The following CATSPERE variants were observed in gnomAD, a reference collection of about 807,000 sequenced individuals.
CATSPERE encodes catsper channel auxiliary subunit epsilon, also known as cation channel sperm-associated auxiliary subunit epsilon.
CATSPERE carries 93 observed loss-of-function variants against 114.1 expected under a neutral mutation model. The observed-to-expected ratio is 0.81, with a 90% CI of 0.69 to 0.97. The LOEUF is 0.97. Among genes scored for constraint, CATSPERE ranks in the 50% least tolerant of loss-of-function variants. The pLI is 0.00. For missense variants in CATSPERE, 1,058 were observed against 1,131.6 expected, an observed-to-expected ratio of 0.93 and a Z score of 0.93; for synonymous variants, 341 against 384.1, an observed-to-expected ratio of 0.89 and a Z score of 1.31.
intron 17 of CATSPERE, among the ~76,000 whole-genome samples, chr1:244,603,500 G>C (rs955297146): frequency 6.6e-6 from 1 of 152,038 alleles, no homozygotes; most frequent in Admixed American, 6.6e-5. Context: ...TGCTTATATA[G>C]ACAAGTATTT....
At chr1:244,522,422 G>A (rs1677729838) in intron 8 of CATSPERE, among the ~76,000 whole-genome samples, 2 of 152,122 alleles carry the variant, frequency 1.3e-5, no homozygotes, top group Admixed American at 6.6e-5. Flanking sequence ...ACAATTAAAA[G>A]AACTAGAAAA....
chr1:244,625,884 C>T (rs1013412971), intron 20 of CATSPERE, among the ~76,000 whole-genome samples: 2 of 151,898 alleles, frequency 1.3e-5, no homozygotes, highest in South Asian at 4.2e-4. Context: ...CCACCATGCC[C>T]GGCCAAGTAG....
chr1:244,559,242 T>G (rs1662172572), intron 9 of CATSPERE, among the ~76,000 whole-genome samples: 1 of 152,240 alleles, frequency 6.6e-6, no homozygotes, highest in African/African-American at 2.4e-5. Context: ...GTTTCTAATC[T>G]ATTTCTTCTT....
chr1:244,497,752 G>A (rs1673349660), intron 6 of CATSPERE, among the ~76,000 whole-genome samples: 1 of 152,082 alleles, frequency 6.6e-6, no homozygotes, highest in South Asian at 2.1e-4. Flanking sequence ...AGGTGAGATT[G>A]CACCATTGCA....
intron 8 of CATSPERE, among the ~76,000 whole-genome samples, chr1:244,549,006 G>T (rs1375220937): frequency 1.3e-5 from 2 of 152,186 alleles, no homozygotes; most frequent in African/African-American, 4.8e-5. Context: ...AACAGGCAAA[G>T]ACAGGAGATA....
chr1:244,635,615 C>T (rs1674537076), intron 21 of CATSPERE, 73 bp downstream of exon 21: 2 of 1,161,136 alleles, frequency 1.7e-6, no homozygotes, highest in Non-Finnish European at 2.6e-6. Context: ...GAAGGAAAAG[C>T]ACCTCTCCCC....
At chr1:244,560,637 A>T (rs369566348) in intron 9 of CATSPERE, 31 bp from the exon 10 acceptor site, 355 of 1,279,246 alleles carry the variant, frequency 2.8e-4, no homozygotes, top group Non-Finnish European at 3.6e-4. Flanking sequence ...AAAATCGAAG[A>T]TCTTTCTCAT....
At chr1:244,564,411 T>C (rs1170157365) in intron 10 of CATSPERE, among the ~76,000 whole-genome samples, 4 of 152,178 alleles carry the variant, frequency 2.6e-5, no homozygotes, top group Admixed American at 2.6e-4. Flanking sequence ...TTTGTTTGTG[T>C]CCTCTCTTAT....
Position 244,560,743 on chromosome 1 carries a change from G to T in CATSPERE, c.1105G>T (p.Ala369Ser). The T allele has an allele frequency of 6.2e-7, 1 of 1,613,914 alleles. No homozygotes were observed. Among genetic ancestry groups the T allele is most frequent in the Non-Finnish European group, 8.5e-7 (1 of 1,179,952 alleles). ...IYLGSILLKF[A>S]RLVTTTELKN... ...CCTCGGATCCATTCTTCTTAAGTTT[G>T]CCAGATTAGTAACTACCACAGAACT... Residue 369 changes from alanine (A) to serine (S), a missense_variant, in exon 10 of 22, where the codon GCC (alanine) becomes TCC (serine). Ala to Ser is a moderately conservative substitution (Grantham distance 99). Around this residue, in one of 2 missense-constraint regions of CATSPERE, gnomAD observed 787 missense variants for 905.6 expected, o/e 0.87. Coordinates refer to ENST00000366534, the MANE Select transcript of CATSPERE (RefSeq NM_001130957.2).
rs1035800660 is a variant in CATSPERE at position 244,633,732 on chromosome 1, A to T, written c.2649-1757A>T. Among the ~76,000 whole-genome samples the T allele has an allele frequency of 6.6e-6, 1 of 151,666 alleles. No individual in the cohort carries two copies. Among genetic ancestry groups the T allele is most frequent in the Non-Finnish European group, 1.5e-5 (1 of 67,914 alleles). On this transcript the variant is annotated intron_variant, in intron 20 of 21. Coordinates refer to ENST00000366534, the MANE Select transcript of CATSPERE (RefSeq NM_001130957.2). This position sits in a 1 kb window ranked among gnomAD's most constrained non-coding sequence, Gnocchi z 4.1. ...CCTCACAAATTCATTCCCATTTCCA[A>T]ACCTTTGCTCATCTCTCCCTACACC...
At chr1:244,451,834 G>A (rs755880683), upstream of CATSPERE, 3 of 1,565,358 alleles carry the variant, frequency 1.9e-6, no homozygotes, top group Non-Finnish European at 2.6e-6. The surrounding 1 kb of genome is among the most constrained non-coding windows in gnomAD (Gnocchi z 6.6). Context: ...AGTGACGCGA[G>A]GAGAGCCCGA....
chr1:244,508,297 TC>T (rs1675127403), intron 7 of CATSPERE, among the ~76,000 whole-genome samples: 1 of 150,840 alleles, frequency 6.6e-6, no homozygotes, highest in African/African-American at 2.4e-5. Context: ...TACTGTTTTT[TC>T]TTTTCTTTTT....
In CATSPERE at chr1:244,552,638, C is replaced by G. The variant is rs879157986; in HGVS notation, c.853C>G (p.Arg285Gly). Residue 285 changes from arginine to glycine, a missense_variant, in exon 9 of 22, where the codon CGG becomes GGG. This residue lies in a region of CATSPERE where 787 missense variants were observed against 905.6 expected (regional missense o/e 0.87). Transcript: ENST00000366534. ...PPDILSDDER[R>G]SVAHVILSRD... ...AGACATTCTGAGTGATGATGAAAGA[C>G]GGAGTGTGGCTCATGTGATCTTATC... is the stretch of plus-strand genomic sequence containing the variant. 2 of 1,613,946 alleles carry G rather than the reference C, an allele frequency of 1.2e-6. No individual in the cohort carries two copies. Among genetic ancestry groups the G allele is most frequent in the Non-Finnish European group, 1.7e-6 (2 of 1,180,028 alleles).
At chr1:244,623,962 G>A (rs1212696040) in intron 20 of CATSPERE, among the ~76,000 whole-genome samples, 1 of 151,756 alleles carries the variant, frequency 6.6e-6, no homozygotes, top group Non-Finnish European at 1.5e-5. Context: ...GGGTGGCTGT[G>A]GCAGTTTCTT....
upstream of CATSPERE, chr1:244,451,640 A>G: frequency 6.2e-7 from 1 of 1,609,406 alleles, no homozygotes; most frequent in Non-Finnish European, 8.5e-7. The surrounding 1 kb of genome is among the most constrained non-coding windows in gnomAD (Gnocchi z 6.6). Flanking sequence ...CTCACCTGGC[A>G]GCGGCACACG....
intron 9 of CATSPERE, among the ~76,000 whole-genome samples, chr1:244,557,576 TATATATAA>T (rs1661838854): frequency 3.1e-5 from 3 of 98,086 alleles, no homozygotes; most frequent in South Asian, 6.2e-4. Context: ...TATATATATA[TATATATAA>T]AATCTCCCAG....
intron 10 of CATSPERE, among the ~76,000 whole-genome samples, chr1:244,565,709 T>G (rs1352705337): frequency 6.6e-6 from 1 of 152,152 alleles, no homozygotes; most frequent in African/African-American, 2.4e-5. Flanking sequence ...TTCATTGATT[T>G]TTTTCATAGA....
intron 9 of CATSPERE, among the ~76,000 whole-genome samples, chr1:244,558,571 A>G (rs1039697977): frequency 2.0e-5 from 3 of 152,170 alleles, no homozygotes; most frequent in African/African-American, 7.2e-5. Context: ...CACTGACAAC[A>G]TTCCAGAGAC....
At chr1:244,512,163 A>G (rs1429099357) in intron 7 of CATSPERE, among the ~76,000 whole-genome samples, 1 of 152,162 alleles carries the variant, frequency 6.6e-6, no homozygotes, top group Non-Finnish European at 1.5e-5. Context: ...CACCTTCTGG[A>G]GCTCTCAAAA....
Sources: allele counts gnomAD v4.1 joint callset (sites outside exome capture counted in the v4.1 genomes callset), GRCh38; gene constraint gnomAD v4.1.1; regional missense constraint gnomAD v4.1.1; non-coding constraint Gnocchi (gnomAD v3.1); transcripts MANE v1.5; gene names NCBI Gene and HGNC (gene_info 2026-07-23, HGNC 2026-07-21).